SYN3: variants seen among roughly 807,000 people sequenced by gnomAD.
SYN3 encodes synapsin-3.
In SYN3, 35 loss-of-function variants were observed where a neutral mutation model predicts 65.8. That is an observed-to-expected ratio of 0.53 (90% confidence interval 0.41 to 0.70). SYN3 has a LOEUF of 0.70. Among genes scored for constraint, SYN3 ranks in the 30% least tolerant of loss-of-function variants. The pLI, the probability that SYN3 is intolerant of heterozygous loss-of-function variation, is 0.00. For synonymous variants in SYN3, 270 were observed against 292.9 expected, an observed-to-expected ratio of 0.92 and a Z score of 0.80; for missense variants, 680 against 749.0, an observed-to-expected ratio of 0.91 and a Z score of 1.08.
intron 6 of SYN3, chr22:32,859,093 C>T: frequency 7.3e-7 from 1 of 1,374,770 alleles, no homozygotes; most frequent in Non-Finnish European, 1.0e-6. Flanking sequence ...ATGCAGTGGC[C>T]CCAGGGTCTG....
At chr22:32,830,907 A>G (rs1601481449) in intron 6 of SYN3, among the ~76,000 whole-genome samples, 1 of 152,270 alleles carries the variant, frequency 6.6e-6, no homozygotes, top group South Asian at 2.1e-4. Context: ...TGCTGGCCTC[A>G]GCCTGGATGG....
At chr22:32,596,054 G>A (rs560343038) in intron 7 of SYN3, among the ~76,000 whole-genome samples, 57 of 152,146 alleles carry the variant, frequency 3.7e-4, no homozygotes, top group Admixed American at 1.1e-3. Context: ...ACCAGCCTGG[G>A]TGACAGAGCG....
intron 6 of SYN3, among the ~76,000 whole-genome samples, chr22:32,863,779 A>C (rs1354850244): frequency 6.6e-6 from 1 of 152,198 alleles, no homozygotes; most frequent in Non-Finnish European, 1.5e-5. Flanking sequence ...GTTGGGGCTC[A>C]CAGAGATAAA....
At chr22:32,521,513 C>T (rs5754126) in intron 12 of SYN3, among the ~76,000 whole-genome samples, 14,092 of 145,652 alleles carry the variant, frequency 0.097, 1,219 homozygotes, top group East Asian at 0.46. Flanking sequence ...GGCGCGATCT[C>T]GGCTCACTGC....
intron 6 of SYN3, among the ~76,000 whole-genome samples, chr22:32,676,697 C>T (rs1477750588): frequency 7.3e-6 from 1 of 137,208 alleles, no homozygotes; most frequent in East Asian, 2.2e-4. Context: ...CCACCACTCC[C>T]GGTTAATTTT....
intron 6 of SYN3, among the ~76,000 whole-genome samples, chr22:32,600,510 C>T (rs2059266507): frequency 6.6e-6 from 1 of 152,152 alleles, no homozygotes; most frequent in African/African-American, 2.4e-5. Flanking sequence ...GGAAATGAGG[C>T]TCTGACCAGG....
At chr22:32,656,105 T>C (rs1402554978) in intron 6 of SYN3, among the ~76,000 whole-genome samples, 3 of 152,216 alleles carry the variant, frequency 2.0e-5, no homozygotes, top group Non-Finnish European at 2.9e-5. Flanking sequence ...TAAGTGTCCT[T>C]CCTTTAGCAA....
intron 5 of SYN3, among the ~76,000 whole-genome samples, chr22:32,866,694 C>A (rs1490304437): frequency 1.3e-5 from 2 of 152,124 alleles, no homozygotes; most frequent in African/African-American, 4.8e-5. Context: ...GGGCTAACAC[C>A]ATCTAGGACC....
chr22:32,978,204 C>T (rs1462752861), intron 3 of SYN3, among the ~76,000 whole-genome samples: 1 of 152,050 alleles, frequency 6.6e-6, no homozygotes, highest in Non-Finnish European at 1.5e-5. Context: ...GAGGGTGGTC[C>T]AGCCAAGGAT....
chr22:32,646,981 C>A (rs1329939508), intron 6 of SYN3, among the ~76,000 whole-genome samples: 1 of 152,172 alleles, frequency 6.6e-6, no homozygotes, highest in Non-Finnish European at 1.5e-5. Flanking sequence ...AAGCCCCCTG[C>A]CTTCGCTGGT....
At chr22:32,960,252 C>T (rs2051606422) in intron 3 of SYN3, among the ~76,000 whole-genome samples, 2 of 152,180 alleles carry the variant, frequency 1.3e-5, no homozygotes, top group African/African-American at 2.4e-5. Context: ...TCAACCTCCT[C>T]TATATATGGG....
At chr22:32,908,591 G>A (rs2049966735) in intron 4 of SYN3, among the ~76,000 whole-genome samples, 1 of 152,044 alleles carries the variant, frequency 6.6e-6, no homozygotes, top group South Asian at 2.1e-4. Context: ...GCAAATTATA[G>A]CCCAGAGGTC....
chr22:32,611,284 GTTTTT>G lies in SYN3; in HGVS notation c.712-14553_712-14549del, dbSNP rs1201383074. Reference sequence around the variant, plus strand: ...GGGCTTCAGCTAGAGTTTTTTTTTTGTTTTTTTTTTTTTTTTTTTTTGTGGGGGGG... The same window carrying G: ...GGGCTTCAGCTAGAGTTTTTTTTTTGTTTTTTTTTTTTTTTTGTGGGGGGG... On this transcript the variant is annotated intron_variant, in intron 6 of 13. Transcript: ENST00000358763. 3.6e-3 allele frequency among the ~76,000 whole-genome samples: 339 copies of G among 94,558 alleles called. 1 individual carries two copies. Among genetic ancestry groups the G allele is most frequent in the African/African-American group, 0.012 (316 of 26,760 alleles). 62.0% of individuals were successfully genotyped at this position (94,558 alleles called of 152,430 possible). A position where few individuals can be genotyped will look rare whatever the true frequency, so the allele number is the denominator to read the frequency against.
At chr22:32,886,081 G>C (rs929190590) in intron 4 of SYN3, among the ~76,000 whole-genome samples, 1 of 152,190 alleles carries the variant, frequency 6.6e-6, no homozygotes, top group Non-Finnish European at 1.5e-5. Context: ...TTCATGGACA[G>C]CCATATGTTG....
intron 12 of SYN3, among the ~76,000 whole-genome samples, chr22:32,523,713 G>T (rs1034476029): frequency 6.6e-5 from 10 of 152,164 alleles, no homozygotes; most frequent in African/African-American, 2.4e-4. Context: ...GAAAGGGAAA[G>T]TCACACATCT....
chr22:32,705,243 G>GA, intron 6 of SYN3, among the ~76,000 whole-genome samples: 1 of 152,282 alleles, frequency 6.6e-6, no homozygotes, highest in Non-Finnish European at 1.5e-5. Flanking sequence ...ATGGTGTAAG[G>GA]AAGGGGTCCA....
intron 6 of SYN3, among the ~76,000 whole-genome samples, chr22:32,694,794 A>G (rs2060713779): frequency 6.6e-6 from 1 of 152,236 alleles, no homozygotes; most frequent in African/African-American, 2.4e-5. Context: ...TTCATTATCA[A>G]GTTGTCCACC....
At chr22:33,056,169 G>A (rs780448111) in intron 1 of SYN3, among the ~76,000 whole-genome samples, 8 of 152,176 alleles carry the variant, frequency 5.3e-5, no homozygotes, top group Non-Finnish European at 1.0e-4. Context: ...AAGGGAAGCA[G>A]TAGTCTTCGT....
rs576713876 is a variant in SYN3, at chr22:32,830,253, G to A, written c.711+34662C>T. 5.2e-4 allele frequency among the ~76,000 whole-genome samples: 79 copies of A among 152,280 alleles called. 3 individuals carry two copies. In the South Asian group the frequency reaches 0.016, roughly 31 times the overall value. On this transcript the variant is annotated intron_variant, in intron 6 of 13. Coordinates refer to ENST00000358763, the MANE Select transcript of SYN3 (RefSeq NM_003490.4). ...GGCCTCTCACAAAACAGTAGTCACC[G>A]CTGCTGTTCACTGAGTGGTTACTTT...
Sources: gnomAD v4.1 joint callset for allele counts (sites outside exome capture counted in the v4.1 genomes callset) on GRCh38, gnomAD v4.1.1 for gene constraint, MANE v1.5 for transcripts, NCBI Gene and HGNC (gene_info 2026-07-23, HGNC 2026-07-21) for gene names.